Variants in NEK10 observed in about 807,000 individuals in gnomAD.
NEK10 encodes the protein NIMA related kinase 10.
Under a neutral mutation model 159.8 loss-of-function variants are expected in NEK10, and 122 were observed. That is an observed-to-expected ratio of 0.76 (90% CI 0.66 to 0.89). NEK10 has a LOEUF of 0.89. NEK10 is among the 40% of genes least tolerant of loss of function. NEK10 has a pLI of 0.00. For missense variants in NEK10, 1,342 were observed against 1,323.1 expected (o/e 1.01, Z -0.22); for synonymous variants, 466 against 457.1 (o/e 1.02, Z -0.25).
chr3:27,254,700 TA>T (rs1350864997), intron 23 of NEK10, among the ~76,000 whole-genome samples: 3 of 152,062 alleles, frequency 2.0e-5, no homozygotes, highest in Non-Finnish European at 4.4e-5. Context: ...GACAGAAAGA[TA>T]AATGGTAGTA....
chr3:27,218,978 T>C (rs1007102400), intron 23 of NEK10, among the ~76,000 whole-genome samples: 1 of 152,210 alleles, frequency 6.6e-6, no homozygotes, highest in African/African-American at 2.4e-5. Flanking sequence ...CAACCACCTA[T>C]GTTCTCCCTC....
chr3:27,267,604 A>G (rs1265493785), intron 22 of NEK10, among the ~76,000 whole-genome samples: 1 of 152,144 alleles, frequency 6.6e-6, no homozygotes, highest in Non-Finnish European at 1.5e-5. Flanking sequence ...GGACACTACA[A>G]ACCATGCGCA....
At chr3:27,171,751 A>G (rs781412477) in intron 29 of NEK10, 68 bp downstream of exon 29, 77 of 1,541,164 alleles carry the variant, frequency 5.0e-5, no homozygotes, top group Non-Finnish European at 6.7e-5. Context: ...TCAGGTTTCA[A>G]TTCAGCTGAG....
intron 1 of NEK10, among the ~76,000 whole-genome samples, chr3:27,364,519 C>A (rs1400152025): frequency 2.0e-5 from 3 of 152,154 alleles, no homozygotes; most frequent in African/African-American, 7.2e-5. Flanking sequence ...TGAGCCACAG[C>A]ACCCGGCCAT....
At chr3:27,309,115 T>A in intron 9 of NEK10, 110 bp from the exon 10 acceptor site, 1 of 597,362 alleles carries the variant, frequency 1.7e-6, no homozygotes, top group Non-Finnish European at 3.0e-6. Flanking sequence ...GACAAAATGC[T>A]TCCCTCTTAA....
chr3:27,178,491 T>G (rs1002632013), intron 26 of NEK10, among the ~76,000 whole-genome samples: 5 of 152,196 alleles, frequency 3.3e-5, no homozygotes, highest in Non-Finnish European at 7.4e-5. Context: ...CCCAGTTTCT[T>G]CCATCTGTTT....
chr3:27,170,654 C>T (rs1946890576), intron 29 of NEK10, among the ~76,000 whole-genome samples: 1 of 152,096 alleles, frequency 6.6e-6, no homozygotes. Flanking sequence ...ATCACTTGAA[C>T]CTGGAAGGCA....
rs1290606718 is a variant in NEK10 at position 27,322,070 on chromosome 3, A to G, written c.447+107T>C. 7 of 624,580 alleles carry G rather than the reference A, an allele frequency of 1.1e-5. No individual in the cohort carries two copies. The East Asian group carries it at 1.9e-4, about 17-fold the overall frequency. The allele number at this position is 624,580 out of a possible 1,614,324, so 38.7% of individuals were successfully genotyped here. A position where few individuals can be genotyped will look rare whatever the true frequency, so the allele number is the denominator to read the frequency against. ...CATATATGGAAGCTATTGAGTTGTG[A>G]GAGAGAAAACAAAAAGTAAACATGG... On this transcript the variant is annotated intron_variant, in intron 6 of 35. Transcript: ENST00000691995.
At position 27,363,829 on chromosome 3, in the gene NEK10, T is replaced by G. The variant is rs540394356; in HGVS notation, c.-38+5396A>C. The G allele has an allele frequency of 2.6e-5, 4 of 152,308 alleles. No individual in the cohort carries two copies. In the South Asian group the frequency reaches 6.2e-4, roughly 24 times the overall value. The allele number at this position is 152,308 out of a possible 1,614,324, so 9.4% of individuals were successfully genotyped here. A position where few individuals can be genotyped will look rare whatever the true frequency, so the allele number is the denominator to read the frequency against. ...AGTTGACAAGTCTGGGAATGTGAAT[T>G]CTTCTGGTTATACCACTGGAATATA... On this transcript the variant is annotated intron_variant, in intron 1 of 35. Coordinates refer to ENST00000691995, the MANE Select transcript of NEK10 (RefSeq NM_001394966.1).
intron 23 of NEK10, among the ~76,000 whole-genome samples, chr3:27,247,764 T>G (rs1457985357): frequency 6.6e-6 from 1 of 151,882 alleles, no homozygotes; most frequent in Non-Finnish European, 1.5e-5. Flanking sequence ...CTTAAACTCC[T>G]GCACTCAAGC....
chr3:27,198,228 T>C (rs1186841702), intron 25 of NEK10, among the ~76,000 whole-genome samples: 4 of 151,860 alleles, frequency 2.6e-5, no homozygotes, highest in African/African-American at 9.7e-5. Flanking sequence ...GATTCAATGC[T>C]ATTCTTATCA....
intron 35 of NEK10, 141 bp from the exon 36 acceptor site, chr3:27,111,461 G>T (rs1939521163): frequency 1.5e-6 from 1 of 659,974 alleles, no homozygotes; most frequent in Non-Finnish European, 2.4e-6. Flanking sequence ...TTAGGATGGG[G>T]ACATTTTTAA....
At chr3:27,279,015 T>C (rs1387989918) in intron 22 of NEK10, 1 of 654,976 alleles carries the variant, frequency 1.5e-6, no homozygotes, top group Non-Finnish European at 1.9e-6. Flanking sequence ...AGATAGTCTT[T>C]CAAATGGAAA....
intron 22 of NEK10, among the ~76,000 whole-genome samples, chr3:27,263,867 C>A (rs769837434): frequency 3.3e-5 from 5 of 152,192 alleles, no homozygotes; most frequent in Non-Finnish European, 5.9e-5. Context: ...GAACCCAGTA[C>A]CTCAGTTGGA....
At chr3:27,278,904 C>A (rs2041954950) in intron 22 of NEK10, 1 of 985,062 alleles carries the variant, frequency 1.0e-6, no homozygotes, top group African/African-American at 1.7e-5. Flanking sequence ...TGTCTCACCC[C>A]ATGTACCACT....
intron 26 of NEK10, among the ~76,000 whole-genome samples, chr3:27,190,832 AG>A (rs1949046111): frequency 6.6e-6 from 1 of 152,234 alleles, no homozygotes; most frequent in East Asian, 1.9e-4. Context: ...TTATGAAGTC[AG>A]GTAGTAAAAT....
chr3:27,131,310 A>G (rs546949532), intron 32 of NEK10, among the ~76,000 whole-genome samples: 6 of 152,182 alleles, frequency 3.9e-5, no homozygotes, highest in Admixed American at 1.3e-4. Context: ...GGATTTTCCA[A>G]TATCAAGTTT....
At chr3:27,336,979 C>G (rs1300644748) in intron 5 of NEK10, among the ~76,000 whole-genome samples, 2 of 152,006 alleles carry the variant, frequency 1.3e-5, no homozygotes, top group East Asian at 3.9e-4. Context: ...ACTGGAAGTC[C>G]TAGCCAGAAC....
chr3:27,317,863 C>T (rs1318082530), intron 6 of NEK10, among the ~76,000 whole-genome samples: 2 of 152,006 alleles, frequency 1.3e-5, no homozygotes, highest in African/African-American at 2.4e-5. Flanking sequence ...AGTGCAGTGG[C>T]GCGATCTTGG....
Sources: allele counts gnomAD v4.1 joint callset (sites outside exome capture counted in the v4.1 genomes callset), GRCh38; gene constraint gnomAD v4.1.1; transcripts MANE v1.5; gene names NCBI Gene and HGNC (gene_info 2026-07-23, HGNC 2026-07-21).